RCC2: variants seen among roughly 807,000 people sequenced by gnomAD.
RCC2 encodes regulator of chromosome condensation 2.
RCC2 carries 19 observed loss-of-function variants against 64.1 expected under a neutral mutation model. That is an observed-to-expected ratio of 0.30 (90% CI 0.21 to 0.44). RCC2 has a LOEUF of 0.44. RCC2 is among the 20% of genes least tolerant of loss of function. The pLI is 1.00. For missense variants in RCC2, 508 were observed against 710.4 expected, an observed-to-expected ratio of 0.72 and a Z score of 3.24; for synonymous variants, 325 against 279.6, an observed-to-expected ratio of 1.16 and a Z score of -1.62.
At chr1:17,431,619 G>A (rs1036786648) in intron 2 of RCC2, among the ~76,000 whole-genome samples, 7 of 150,978 alleles carry the variant, frequency 4.6e-5, no homozygotes, top group South Asian at 2.1e-4. Context: ...TACGGCTCAC[G>A]CATTTCTAAG....
chr1:17,428,008 T>G (rs534086170), intron 3 of RCC2, among the ~76,000 whole-genome samples: 28 of 152,052 alleles, frequency 1.8e-4, no homozygotes, highest in Non-Finnish European at 2.9e-4. Context: ...AGGCTGCTGG[T>G]TTTCACCAGA....
At chr1:17,409,866 G>T (rs555627111) in intron 12 of RCC2, 108 bp downstream of exon 12, 2 of 937,296 alleles carry the variant, frequency 2.1e-6, no homozygotes, top group East Asian at 2.5e-5. Context: ...AGCCAGCTGA[G>T]ATGGTAAACA....
chr1:17,409,304 G>C, intron 12 of RCC2, 110 bp from the exon 13 acceptor site: 1 of 734,554 alleles, frequency 1.4e-6, no homozygotes, highest in Non-Finnish European at 2.4e-6. Context: ...GAGAAAAACA[G>C]AGTGCCCTTG....
intron 2 of RCC2, among the ~76,000 whole-genome samples, chr1:17,429,901 G>A (rs948852704): frequency 6.6e-6 from 1 of 152,146 alleles, no homozygotes; most frequent in African/African-American, 2.4e-5. Context: ...GCATACTTCA[G>A]TGTTCATCCT....
chr1:17,430,306 T>C (rs1478982988), intron 2 of RCC2, among the ~76,000 whole-genome samples: 5 of 148,270 alleles, frequency 3.4e-5, no homozygotes, highest in Admixed American at 2.7e-4. Flanking sequence ...TGCTTGAGCT[T>C]GGAGACCAGG....
chr1:17,417,406 G>T (rs1047398052), intron 7 of RCC2, among the ~76,000 whole-genome samples: 1 of 152,212 alleles, frequency 6.6e-6, no homozygotes, highest in Non-Finnish European at 1.5e-5. Flanking sequence ...GGTGGGCCAC[G>T]CCTGGAATCC....
intron 3 of RCC2, among the ~76,000 whole-genome samples, chr1:17,428,168 C>T (rs771648338): frequency 2.0e-5 from 3 of 152,200 alleles, no homozygotes; most frequent in Admixed American, 6.5e-5. Flanking sequence ...AGTTGAAGAA[C>T]GGCTTTGAGA....
In RCC2 at chr1:17,425,531, C is replaced by G. The variant is rs532918901; in HGVS notation, c.523+10G>C. The G allele has an allele frequency of 3.8e-6, 6 of 1,597,832 alleles. No individual in the cohort carries two copies. In the African/African-American group the frequency reaches 8.0e-5, roughly 21 times the overall value. ...TGGTCCCCAGTGCCCAGCACCCGCA[C>G]GGTACTCACCCCAGCTCCACAGCTT... On this transcript the variant is annotated intron_variant, in intron 4 of 12. Transcript: ENST00000375436.
intron 7 of RCC2, 53 bp from the exon 8 acceptor site, chr1:17,416,699 G>A (rs1570179255): frequency 6.4e-7 from 1 of 1,561,076 alleles, no homozygotes; most frequent in Non-Finnish European, 8.7e-7. Context: ...CAAGGGACGT[G>A]TCAGTGTGCT....
intron 2 of RCC2, among the ~76,000 whole-genome samples, chr1:17,437,765 C>G (rs937669907): frequency 6.8e-6 from 1 of 147,376 alleles, no homozygotes; most frequent in African/African-American, 2.4e-5. Flanking sequence ...GGCCGCTCCC[C>G]GCAGAGCGCC....
chr1:17,428,672 T>C (rs947822299), intron 3 of RCC2, among the ~76,000 whole-genome samples: 4 of 152,238 alleles, frequency 2.6e-5, no homozygotes, highest in African/African-American at 9.6e-5. Flanking sequence ...GTCAAACCAG[T>C]TCCTGCAACA....
At chr1:17,429,330 C>T (rs2075650138) in intron 2 of RCC2, 131 bp from the exon 3 acceptor site, 8 of 697,394 alleles carry the variant, frequency 1.1e-5, no homozygotes, top group East Asian at 2.7e-5. Context: ...GACCTCCACA[C>T]GAACAGAGTC....
rs752303798 is a variant in RCC2 at position 17,416,596 on chromosome 1, C to T, written c.910G>A (p.Asp304Asn). 7.4e-6 allele frequency: 12 copies of T among 1,613,994 alleles called. No homozygotes were observed. Among genetic ancestry groups the T allele is most frequent in the East Asian group, 4.5e-5 (2 of 44,870 alleles). The change falls in exon 8 of 13, where the codon GAC (aspartate) becomes AAC (asparagine). Residue 304 changes from aspartate to asparagine, a missense_variant. Asp to Asn is a conservative substitution (Grantham distance 23). Transcript: ENST00000375436. Reference sequence around the variant, plus strand: ...ACTCGCCGGGGAACTAGTTCACAGTCGTACTCTATCCGCTGTGCCCGGGCG... The same window carrying T: ...ACTCGCCGGGGAACTAGTTCACAGTTGTACTCTATCCGCTGTGCCCGGGCG... ...FIARAQRIEY[D>N]CELVPRRVAI...
chr1:17,415,752 A>G (rs991608189), intron 8 of RCC2, among the ~76,000 whole-genome samples: 1 of 151,460 alleles, frequency 6.6e-6, no homozygotes, highest in African/African-American at 2.4e-5. Context: ...ATTGCACTGC[A>G]GTTTATCTAA....
At chr1:17,424,109 A>G (rs565689429) in intron 4 of RCC2, among the ~76,000 whole-genome samples, 20 of 152,352 alleles carry the variant, frequency 1.3e-4, no homozygotes, top group East Asian at 9.6e-4. Context: ...GCGGCAGGAC[A>G]GGGTGAGCGG....
At chr1:17,433,662 C>A (rs568000081) in intron 2 of RCC2, among the ~76,000 whole-genome samples, 69 of 152,326 alleles carry the variant, frequency 4.5e-4, no homozygotes, top group Non-Finnish European at 8.5e-4. Flanking sequence ...GGTCACATAA[C>A]CTGGGCAGAG....
intron 4 of RCC2, 25 bp from the exon 5 acceptor site, chr1:17,422,861 GAA>G (rs2075570322): frequency 6.2e-7 from 1 of 1,613,204 alleles, no homozygotes; most frequent in Admixed American, 1.7e-5. Flanking sequence ...AGAGAAAGTA[GAA>G]AAGAGAGAGG....
intron 7 of RCC2, among the ~76,000 whole-genome samples, chr1:17,418,325 G>A (rs561122522): frequency 4.0e-5 from 6 of 148,870 alleles, no homozygotes; most frequent in South Asian, 2.1e-4. Flanking sequence ...CTCTACTGTT[G>A]ACATAATCCC....
intron 2 of RCC2, among the ~76,000 whole-genome samples, chr1:17,433,420 C>A (rs540938618): frequency 6.6e-6 from 1 of 152,158 alleles, no homozygotes; most frequent in African/African-American, 2.4e-5. Context: ...CCACCCGGGG[C>A]GGCGGGGCAG....
Sources: allele counts gnomAD v4.1 joint callset (sites outside exome capture counted in the v4.1 genomes callset), GRCh38; gene constraint gnomAD v4.1.1; transcripts MANE v1.5; gene names NCBI Gene and HGNC (gene_info 2026-07-23, HGNC 2026-07-21).